NRG3: variants seen among roughly 807,000 people sequenced by gnomAD.
NRG3 encodes the protein neuregulin 3.
Under a neutral mutation model 66.9 loss-of-function variants are expected in NRG3, and 31 were observed. That is an observed-to-expected ratio of 0.46 (90% CI 0.35 to 0.63). The LOEUF (loss-of-function observed/expected upper bound fraction) is 0.63. Among genes scored for constraint, NRG3 ranks in the 20% least tolerant of loss-of-function variants. The pLI is 0.00. For synonymous variants in NRG3, 393 were observed against 359.4 expected (o/e 1.09, Z -1.06); for missense variants, 910 against 878.9 (o/e 1.04, Z -0.45).
chr10:82,763,113 CA>C (rs1480276349), intron 3 of NRG3, among the ~76,000 whole-genome samples: 1 of 152,148 alleles, frequency 6.6e-6, no homozygotes, highest in Non-Finnish European at 1.5e-5. Context: ...TCATGAAAAG[CA>C]CACCTAGCTG....
intron 2 of NRG3, among the ~76,000 whole-genome samples, chr10:82,563,844 A>G (rs184692880): frequency 5.9e-4 from 90 of 152,140 alleles, no homozygotes; most frequent in African/African-American, 2.0e-3. Context: ...AAAATTTTCT[A>G]TCTTTTTGAT....
chr10:82,615,342 C>A (rs1194912536), intron 2 of NRG3, among the ~76,000 whole-genome samples: 1 of 151,980 alleles, frequency 6.6e-6, no homozygotes, highest in African/African-American at 2.4e-5. Flanking sequence ...ACTGAAGATG[C>A]ATGGAATATA....
At chr10:82,220,501 GGAA>G in intron 1 of NRG3, among the ~76,000 whole-genome samples, 3 of 152,206 alleles carry the variant, frequency 2.0e-5, no homozygotes, top group Admixed American at 2.0e-4. Flanking sequence ...GGATCCTACA[GGAA>G]GAAGATCTGG....
chr10:82,570,950 T>A (rs2045695072), intron 2 of NRG3, among the ~76,000 whole-genome samples: 1 of 151,702 alleles, frequency 6.6e-6, no homozygotes, highest in African/African-American at 2.4e-5. Context: ...ACTCAACACA[T>A]TTTCAACTAT....
At chr10:82,490,467 C>G (rs2132240202) in intron 2 of NRG3, among the ~76,000 whole-genome samples, 1 of 152,220 alleles carries the variant, frequency 6.6e-6, no homozygotes, top group South Asian at 2.1e-4. Flanking sequence ...TTGCTGAACA[C>G]CCTTTCTTAC....
intron 3 of NRG3, chr10:82,827,071 A>G: frequency 3.2e-6 from 1 of 313,146 alleles, no homozygotes; most frequent in Non-Finnish European, 6.3e-6. Context: ...TACACTTTTC[A>G]TTTCATATCA....
intron 1 of NRG3, among the ~76,000 whole-genome samples, chr10:82,183,644 G>T (rs2073590917): frequency 6.6e-6 from 1 of 152,040 alleles, no homozygotes; most frequent in South Asian, 2.1e-4. Flanking sequence ...CTAATGCAGT[G>T]GTTCTCAACT....
At chr10:82,917,458 G>C (rs1845948729) in intron 4 of NRG3, among the ~76,000 whole-genome samples, 1 of 152,216 alleles carries the variant, frequency 6.6e-6, no homozygotes, top group African/African-American at 2.4e-5. Context: ...CCCCTGTGCA[G>C]AGCCTGGTGT....
At chr10:82,268,521 G>A (rs1054605175) in intron 1 of NRG3, among the ~76,000 whole-genome samples, 5 of 152,042 alleles carry the variant, frequency 3.3e-5, no homozygotes, top group Middle Eastern at 3.4e-3. Flanking sequence ...TTTGAAAATC[G>A]CAAAATATTT....
intron 1 of NRG3, among the ~76,000 whole-genome samples, chr10:82,223,726 C>T (rs1165854615): frequency 6.6e-6 from 1 of 151,688 alleles, no homozygotes; most frequent in Non-Finnish European, 1.5e-5. Flanking sequence ...CTAACATATA[C>T]AGGCACACAC....
intron 1 of NRG3, chr10:81,877,668 T>C (rs1314606298): frequency 2.3e-6 from 3 of 1,281,358 alleles, no homozygotes; most frequent in Non-Finnish European, 9.8e-7. Flanking sequence ...AAAAACCGTC[T>C]AGAAGATAAA....
intron 2 of NRG3, among the ~76,000 whole-genome samples, chr10:82,681,382 T>C (rs960508548): frequency 3.9e-5 from 6 of 152,224 alleles, no homozygotes; most frequent in Non-Finnish European, 1.5e-5. Flanking sequence ...AAATACCTAA[T>C]ATGCTGAGAT....
At chr10:82,076,755 T>C (rs1022024343) in intron 1 of NRG3, among the ~76,000 whole-genome samples, 2 of 152,228 alleles carry the variant, frequency 1.3e-5, no homozygotes, top group African/African-American at 4.8e-5. Context: ...GGAAACTTCC[T>C]GAGGCTCTCA....
At chr10:82,899,459 C>A (rs549648310) in intron 4 of NRG3, among the ~76,000 whole-genome samples, 4 of 152,274 alleles carry the variant, frequency 2.6e-5, no homozygotes, top group South Asian at 2.1e-4. Flanking sequence ...TATATCAGTA[C>A]ATAAATAGTG....
intron 1 of NRG3, among the ~76,000 whole-genome samples, chr10:82,197,475 A>G (rs894388778): frequency 6.6e-6 from 1 of 152,176 alleles, no homozygotes; most frequent in Non-Finnish European, 1.5e-5. Context: ...ATTAAGTAAT[A>G]TATGCAAAGT....
intron 3 of NRG3, among the ~76,000 whole-genome samples, chr10:82,787,622 C>T (rs1406636026): frequency 1.3e-5 from 2 of 152,178 alleles, no homozygotes; most frequent in African/African-American, 4.8e-5. Flanking sequence ...CGTTATCCAT[C>T]TGTGCCTTCA....
chr10:82,547,892 T>C (rs2044033653), intron 2 of NRG3, among the ~76,000 whole-genome samples: 1 of 152,064 alleles, frequency 6.6e-6, no homozygotes, highest in South Asian at 2.1e-4. Context: ...ACTAATGGGG[T>C]TGCACTTTGA....
At chr10:82,572,102 T>C (rs1271136120) in intron 2 of NRG3, among the ~76,000 whole-genome samples, 1 of 151,780 alleles carries the variant, frequency 6.6e-6, no homozygotes, top group Non-Finnish European at 1.5e-5. Context: ...AAAAAATTTC[T>C]AAAGCTAAGG....
chr10:82,801,180 T>A (rs1291051878), intron 3 of NRG3, among the ~76,000 whole-genome samples: 2 of 152,180 alleles, frequency 1.3e-5, no homozygotes, highest in Non-Finnish European at 2.9e-5. Flanking sequence ...ACTTCGAAGA[T>A]GTGGCCACTG....
Sources: allele counts gnomAD v4.1 joint callset (sites outside exome capture counted in the v4.1 genomes callset), GRCh38; gene constraint gnomAD v4.1.1; transcripts MANE v1.5; gene names NCBI Gene and HGNC (gene_info 2026-07-23, HGNC 2026-07-21).